Variants in PTPN3 observed in about 807,000 individuals in gnomAD.
PTPN3 encodes tyrosine-protein phosphatase non-receptor type 3.
PTPN3 carries 96 observed loss-of-function variants against 132.7 expected under a neutral mutation model. The ratio of observed to expected loss-of-function variants is 0.72; its 90% CI spans 0.61 to 0.86. The LOEUF (loss-of-function observed/expected upper bound fraction) is 0.86, where lower values mean the gene tolerates loss of function less well. PTPN3 is among the 40% of genes least tolerant of loss of function. The pLI is 0.00. For missense variants in PTPN3, 1,125 were observed against 1,159.6 expected (o/e 0.97, Z 0.43); for synonymous variants, 398 against 429.0 (o/e 0.93, Z 0.89).
Position 109,470,692 on chromosome 9 carries a change from T to TA in PTPN3, c.-17-7242_-17-7241insT, listed in dbSNP as rs1588480197. 1.8e-4 allele frequency among the ~76,000 whole-genome samples: 5 copies of TA among 28,552 alleles called. No individual in the cohort carries two copies. In the East Asian group the frequency reaches 6.0e-3, roughly 34 times the overall value. 18.7% of individuals were successfully genotyped at this position (28,552 alleles called of 152,430 possible). On this transcript the variant is annotated intron_variant, in intron 1 of 25. Coordinates refer to ENST00000374541, the MANE Select transcript of PTPN3 (RefSeq NM_002829.4). ...GCCTGGGCAACAGAGCGAGACCTCA[T>TA]CCAAAAAAAAAAAAAAATTTACAAA... is the stretch of plus-strand genomic sequence containing the variant.
At chr9:109,509,991 G>T in the PTPN3 span, among the ~76,000 whole-genome samples, 3 of 152,180 alleles carry the variant, frequency 2.0e-5, no homozygotes, top group Non-Finnish European at 4.4e-5. Flanking sequence ...AGGAAATGGG[G>T]ATAGACAAGG....
chr9:109,410,025 C>T lies in PTPN3; in HGVS notation c.1552G>A (p.Asp518Asn). The T allele has an allele frequency of 6.2e-7, 1 of 1,614,226 alleles. No homozygotes were observed. The highest frequency in any genetic ancestry group is 8.5e-7 in the Non-Finnish European group (1 of 1,180,040). Reference sequence around the variant, plus strand: ...TTAAGATTAAATCCAAATTTTCCATCTTCATCTGGTGTGATACGGATCAAG... The same window carrying T: ...TTAAGATTAAATCCAAATTTTCCATTTTCATCTGGTGTGATACGGATCAAG... ...LVLIRITPDEDGKFGFNLKGG... is the reference protein window; with the variant it reads ...LVLIRITPDENGKFGFNLKGG... The change falls in exon 16 of 26, where the codon GAT becomes AAT. Residue 518 changes from aspartate (D) to asparagine (N), a missense_variant. By Grantham distance (23) the Asp-to-Asn change is conservative. Coordinates refer to ENST00000374541, the MANE Select transcript of PTPN3 (RefSeq NM_002829.4).
Position 109,404,468 on chromosome 9 carries a change from T to C in PTPN3, c.1933A>G (p.Thr645Ala), listed in dbSNP as rs1841392468. 1.3e-6 allele frequency: 2 copies of C among 1,498,546 alleles called. No homozygotes were observed. The highest frequency in any genetic ancestry group is 2.4e-5 in the East Asian group (1 of 41,802). The allele number at this position is 1,498,546 out of a possible 1,614,324, so 92.8% of individuals were successfully genotyped here. Residue 645 changes from threonine to alanine, a missense_variant, in exon 19 of 26, where the codon ACG becomes GCG. Transcript: ENST00000374541. ...CTTACCTCAAACTGGATCAGCACCGTCCCGCTTTCGAGGCCCTTCTTTAGC... is the reference window on the plus strand; with the variant it reads ...CTTACCTCAAACTGGATCAGCACCGCCCCGCTTTCGAGGCCCTTCTTTAGC... ...AQLKKGLESG[T>A]VLIQFEQLYR...
At chr9:109,524,660 C>A in the PTPN3 span, among the ~76,000 whole-genome samples, 1 of 152,220 alleles carries the variant, frequency 6.6e-6, no homozygotes, top group African/African-American at 2.4e-5. Context: ...ATTTGCTGTG[C>A]AAGACTGATA....
intron 10 of PTPN3, among the ~76,000 whole-genome samples, chr9:109,432,136 A>G (rs1843703351): frequency 6.6e-6 from 1 of 150,736 alleles, no homozygotes; most frequent in Non-Finnish European, 1.5e-5. Flanking sequence ...AATACTCCAT[A>G]GTTTTACTTA....
At chr9:109,463,054 C>T (rs1468317844) in intron 2 of PTPN3, among the ~76,000 whole-genome samples, 1 of 150,938 alleles carries the variant, frequency 6.6e-6, no homozygotes, top group Non-Finnish European at 1.5e-5. Flanking sequence ...TTCCCAGAAG[C>T]ACCAACATCT....
chr9:109,506,984 AT>A, the PTPN3 span, among the ~76,000 whole-genome samples: 3 of 152,174 alleles, frequency 2.0e-5, no homozygotes, highest in African/African-American at 4.8e-5. Flanking sequence ...CATGCCTAAT[AT>A]TTTTTCAGAA....
the PTPN3 span, among the ~76,000 whole-genome samples, chr9:109,515,110 C>A: frequency 6.6e-6 from 1 of 152,088 alleles, no homozygotes; most frequent in South Asian, 2.1e-4. Context: ...GCAGCCTCAA[C>A]CTTCCGGGGC....
intron 1 of PTPN3, among the ~76,000 whole-genome samples, chr9:109,481,617 T>C (rs1846961152): frequency 6.6e-6 from 1 of 152,166 alleles, no homozygotes; most frequent in Non-Finnish European, 1.5e-5. Context: ...TCCTTCTCCC[T>C]CTCACCCTAC....
At chr9:109,395,991 G>T (rs1004117091) in intron 19 of PTPN3, among the ~76,000 whole-genome samples, 3 of 151,674 alleles carry the variant, frequency 2.0e-5, no homozygotes, top group African/African-American at 7.3e-5. Flanking sequence ...CGTGTAGCTG[G>T]AATCTGTATA....
chr9:109,506,607 CTTTT>C, the PTPN3 span, among the ~76,000 whole-genome samples: 2 of 131,788 alleles, frequency 1.5e-5, no homozygotes, highest in Non-Finnish European at 3.2e-5. Flanking sequence ...TTCTTTCTTT[CTTTT>C]TTTTTTTTTG....
At chr9:109,415,354 G>A (rs1449690938) in intron 14 of PTPN3, among the ~76,000 whole-genome samples, 1 of 152,108 alleles carries the variant, frequency 6.6e-6, no homozygotes, top group Admixed American at 6.5e-5. Context: ...TTGAGCTTGA[G>A]TTTGAAAGAT....
intron 7 of PTPN3, among the ~76,000 whole-genome samples, chr9:109,444,473 G>T (rs375544822): frequency 6.6e-6 from 1 of 152,038 alleles, no homozygotes; most frequent in Non-Finnish European, 1.5e-5. Flanking sequence ...AGCGACGTGC[G>T]GTTAGTCCAA....
chr9:109,510,558 TAAA>T, the PTPN3 span, among the ~76,000 whole-genome samples: 726 of 73,514 alleles, frequency 9.9e-3, 16 homozygotes, highest in African/African-American at 0.021. Flanking sequence ...AACTTTGTCT[TAAA>T]AAAAAAAAAA....
intron 14 of PTPN3, among the ~76,000 whole-genome samples, chr9:109,415,618 G>A (rs1842428677): frequency 6.6e-6 from 1 of 152,206 alleles, no homozygotes; most frequent in African/African-American, 2.4e-5. Flanking sequence ...GGATATGACT[G>A]AGCTAGACTG....
chr9:109,496,286 T>C (rs1221680827), intron 1 of PTPN3, among the ~76,000 whole-genome samples: 1 of 152,228 alleles, frequency 6.6e-6, no homozygotes, highest in African/African-American at 2.4e-5. Flanking sequence ...AGATAATAGC[T>C]TACTGTTGTT....
chr9:109,512,109 C>G, the PTPN3 span, among the ~76,000 whole-genome samples: 1 of 152,112 alleles, frequency 6.6e-6, no homozygotes, highest in Admixed American at 6.6e-5. Flanking sequence ...GCTTGCAGAC[C>G]ACATTTTTAT....
At chr9:109,523,659 G>A in the PTPN3 span, among the ~76,000 whole-genome samples, 1 of 152,286 alleles carries the variant, frequency 6.6e-6, no homozygotes, top group South Asian at 2.1e-4. Flanking sequence ...CAGGTGACCT[G>A]GGGACCCTCT....
In PTPN3 at chr9:109,433,068, C is replaced by T; in HGVS notation, c.764+5G>A. 1 of 1,613,838 alleles carries T rather than the reference C, an allele frequency of 6.2e-7. No homozygotes were observed. The highest frequency in any genetic ancestry group is 8.5e-7 in the Non-Finnish European group (1 of 1,179,892). ...CAGAAAATAATGAGAACTGTTTGCACTTACCAAGGATAGAAACTTGTGCAA... is the reference window on the plus strand; with the variant it reads ...CAGAAAATAATGAGAACTGTTTGCATTTACCAAGGATAGAAACTTGTGCAA... On this transcript the variant is annotated splice_donor_5th_base_variant and intron_variant, in intron 10 of 25. Transcript: ENST00000374541.
Sources: gnomAD v4.1 joint callset for allele counts (sites outside exome capture counted in the v4.1 genomes callset) on GRCh38, gnomAD v4.1.1 for gene constraint, MANE v1.5 for transcripts, NCBI Gene and HGNC (gene_info 2026-07-23, HGNC 2026-07-21) for gene names.